The following SMARCA4 variants were observed in gnomAD, a reference collection of about 807,000 sequenced individuals.
SMARCA4 encodes SWI/SNF-related matrix-associated actin-dependent regulator of chromatin subfamily A member 4.
In SMARCA4, 31 loss-of-function variants were observed where a neutral mutation model predicts 193.9. The observed-to-expected ratio is 0.16, with a 90% CI of 0.12 to 0.22. The LOEUF (loss-of-function observed/expected upper bound fraction) is 0.22. Among genes scored for constraint, SMARCA4 ranks in the 10% least tolerant of loss-of-function variants. The pLI is 1.00. For missense variants in SMARCA4, 1,148 were observed against 2,296.0 expected, an observed-to-expected ratio of 0.50 and a Z score of 10.22; for synonymous variants, 942 against 933.1, an observed-to-expected ratio of 1.01 and a Z score of -0.17.
At chr19:10,978,840 T>G (rs953254315) in intron 1 of SMARCA4, among the ~76,000 whole-genome samples, 2 of 151,836 alleles carry the variant, frequency 1.3e-5, no homozygotes, top group Non-Finnish European at 2.9e-5. Flanking sequence ...TCCCAGCTAC[T>G]CGGGAAGCTG....
chr19:11,031,860 C>T lies in SMARCA4; in HGVS notation c.3546+967C>T, dbSNP rs1003475080. ...GCTCCACCCCAGACATTGTCCTCTT[C>T]GTGTTCTGGTTGCTACTGCCAAAGT... On this transcript the variant is annotated intron_variant, in intron 25 of 34. Coordinates refer to ENST00000344626, the MANE Select transcript of SMARCA4 (RefSeq NM_003072.5). This position sits in a 1 kb window ranked among gnomAD's most constrained non-coding sequence, Gnocchi z 4.3. The T allele has an allele frequency of 1.3e-5, 2 of 152,266 alleles. No homozygotes were observed. Among genetic ancestry groups the T allele is most frequent in the African/African-American group, 2.4e-5 (1 of 41,446 alleles). The allele number at this position is 152,266 out of a possible 1,614,324, so 9.4% of individuals were successfully genotyped here. A position where few individuals can be genotyped will look rare whatever the true frequency, so the allele number is the denominator to read the frequency against.
chr19:11,056,799 C>G (rs1231490488), intron 30 of SMARCA4, among the ~76,000 whole-genome samples: 1 of 152,234 alleles, frequency 6.6e-6, no homozygotes, highest in Non-Finnish European at 1.5e-5. Context: ...ATCCTGCTCA[C>G]GAGCAGCTTC....
At chr19:11,050,658 G>A (rs1189525312) in intron 30 of SMARCA4, among the ~76,000 whole-genome samples, 1 of 152,242 alleles carries the variant, frequency 6.6e-6, no homozygotes, top group Non-Finnish European at 1.5e-5. Context: ...AGAGTTGAGT[G>A]GTTATACCTT....
intron 11 of SMARCA4, among the ~76,000 whole-genome samples, chr19:11,000,941 T>C (rs1253874610): frequency 1.3e-5 from 2 of 151,860 alleles, no homozygotes; most frequent in African/African-American, 4.8e-5. Flanking sequence ...CTGCCTGTCC[T>C]GTGGAGTGTT....
intron 18 of SMARCA4, chr19:11,020,499 C>T (rs1426457053): frequency 6.6e-6 from 1 of 151,978 alleles, no homozygotes; most frequent in East Asian, 1.9e-4. Flanking sequence ...CAGGCCTGAC[C>T]TCCTGGCCTC....
At chr19:10,997,076 G>A (rs1483372198) in intron 11 of SMARCA4, among the ~76,000 whole-genome samples, 2 of 151,948 alleles carry the variant, frequency 1.3e-5, no homozygotes, top group Non-Finnish European at 2.9e-5. Context: ...CTAGAGTAAA[G>A]TGGTGCAATC....
Position 10,997,617 on chromosome 19 carries a change from C to T in SMARCA4, c.1812+1073C>T, listed in dbSNP as rs112902685. Among the ~76,000 whole-genome samples, 765 of 152,200 alleles carry T rather than the reference C, an allele frequency of 5.0e-3. 9 individuals carry two copies. The highest frequency in any genetic ancestry group is 0.016 in the African/African-American group (659 of 41,534). ...CCAGGATTACAGGCATAAGCCACCA[C>T]GCCTGGCCTAATTTTTTAAAATTTA... On this transcript the variant is annotated intron_variant, in intron 11 of 34. Transcript: ENST00000344626.
intron 1 of SMARCA4, among the ~76,000 whole-genome samples, chr19:10,975,414 C>T (rs962444596): frequency 1.3e-5 from 2 of 150,818 alleles, no homozygotes; most frequent in Admixed American, 1.3e-4. Context: ...CGGGTTCAAG[C>T]GATTCTCTTG....
chr19:11,004,871 G>A (rs957588821), intron 13 of SMARCA4, among the ~76,000 whole-genome samples: 16 of 147,346 alleles, frequency 1.1e-4, no homozygotes, highest in South Asian at 8.6e-4. Flanking sequence ...ACGGAGTCTC[G>A]CTCTGTCACC....
chr19:11,036,079 G>A (rs947247416), intron 29 of SMARCA4, among the ~76,000 whole-genome samples: 3 of 152,226 alleles, frequency 2.0e-5, no homozygotes, highest in Non-Finnish European at 4.4e-5. Flanking sequence ...AGACTCATGA[G>A]CTTGCCTGCC....
chr19:10,969,856 C>G, intron 1 of SMARCA4, among the ~76,000 whole-genome samples: 1 of 152,076 alleles, frequency 6.6e-6, no homozygotes, highest in East Asian at 1.9e-4. Flanking sequence ...ATTATCAGAC[C>G]GTGCCACTCC....
At chr19:11,045,436 C>T (rs1233516576) in intron 30 of SMARCA4, among the ~76,000 whole-genome samples, 5 of 152,150 alleles carry the variant, frequency 3.3e-5, no homozygotes, top group Non-Finnish European at 7.4e-5. Context: ...GAAAGCCACA[C>T]GACGAGCCTT....
intron 30 of SMARCA4, among the ~76,000 whole-genome samples, chr19:11,045,929 GAAGAAAAAAAA>G (rs1328142841): frequency 6.6e-6 from 1 of 150,520 alleles, no homozygotes; most frequent in Non-Finnish European, 1.5e-5. Flanking sequence ...TTAAAAAAAA[GAAGAAAAAAAA>G]AGTCTGGGTG....
At chr19:11,055,408 T>A (rs1402473467) in intron 30 of SMARCA4, among the ~76,000 whole-genome samples, 1 of 152,174 alleles carries the variant, frequency 6.6e-6, no homozygotes, top group Non-Finnish European at 1.5e-5. Flanking sequence ...CAGGCTGGTC[T>A]TGAACTCCGG....
At chr19:11,059,120 A>AG (rs2076712196) in intron 32 of SMARCA4, 2 of 501,292 alleles carry the variant, frequency 4.0e-6, no homozygotes, top group African/African-American at 3.8e-5. Context: ...AAAAAAAAAA[A>AG]AGAAAAAATT....
chr19:10,967,685 G>T (rs1412669542), intron 1 of SMARCA4, among the ~76,000 whole-genome samples: 4 of 126,766 alleles, frequency 3.2e-5, no homozygotes, highest in East Asian at 2.3e-4. Flanking sequence ...CAAATGTGTG[G>T]TTTTTTTTTT....
intron 16 of SMARCA4, chr19:11,018,314 C>G (rs559410252): frequency 5.3e-6 from 1 of 190,280 alleles, no homozygotes; most frequent in East Asian, 1.2e-4. Flanking sequence ...TCCTCAGTCT[C>G]TAGGCTGTCG....
rs1433610927 is a variant in SMARCA4, at chr19:11,003,017, ACT to A, written c.1813-9_1813-8del. 1.2e-6 allele frequency: 2 copies of A among 1,613,598 alleles called. No individual in the cohort carries two copies. The highest frequency in any genetic ancestry group is 1.7e-5 in the Admixed American group (1 of 59,956). On this transcript the variant is annotated splice_polypyrimidine_tract_variant and intron_variant, in intron 11 of 34. Transcript: ENST00000344626. The stretch of plus-strand genomic sequence containing the variant: ...CTGCAACCTCAGTGTCACACGAATG[ACT>A]CTTTTTCAGCCTCTGGACGAGACCA...
chr19:10,996,182 C>T, intron 9 of SMARCA4, 31 bp from the exon 10 acceptor site: 1 of 1,612,808 alleles, frequency 6.2e-7, no homozygotes, highest in Non-Finnish European at 8.5e-7. Flanking sequence ...CATTGTGCCA[C>T]CACATTGCAG....
Sources: gnomAD v4.1 joint callset for allele counts (sites outside exome capture counted in the v4.1 genomes callset) on GRCh38, gnomAD v4.1.1 for gene constraint, Gnocchi (gnomAD v3.1) non-coding constraint, MANE v1.5 for transcripts, NCBI Gene and HGNC (gene_info 2026-07-23, HGNC 2026-07-21) for gene names.